Variants in WASF2 observed in about 807,000 individuals in gnomAD.
The protein encoded by WASF2 is actin-binding protein WASF2.
In WASF2, 14 loss-of-function variants were observed where a neutral mutation model predicts 45.0. The ratio of observed to expected loss-of-function variants is 0.31; its 90% confidence interval spans 0.21 to 0.49. WASF2 has a LOEUF of 0.49. Among genes scored for constraint, WASF2 ranks in the 20% least tolerant of loss-of-function variants. WASF2 has a pLI of 0.99. For missense variants in WASF2, 439 were observed against 636.1 expected, an observed-to-expected ratio of 0.69 and a Z score of 3.33; for synonymous variants, 200 against 236.3, an observed-to-expected ratio of 0.85 and a Z score of 1.41.
chr1:27,413,482 T>C (rs542085095), intron 6 of WASF2, among the ~76,000 whole-genome samples: 1 of 152,122 alleles, frequency 6.6e-6, no homozygotes, highest in Non-Finnish European at 1.5e-5. Context: ...TCTAAAGAAC[T>C]CATCTAAAAC....
chr1:27,464,034 C>T (rs972039654), intron 1 of WASF2, among the ~76,000 whole-genome samples: 1 of 151,682 alleles, frequency 6.6e-6, no homozygotes, highest in Non-Finnish European at 1.5e-5. Context: ...GCCTCCCAGC[C>T]TCATCTATAT....
At chr1:27,425,834 G>GT (rs2016972391) in intron 2 of WASF2, among the ~76,000 whole-genome samples, 1 of 52,436 alleles carries the variant, frequency 1.9e-5, no homozygotes, top group African/African-American at 7.7e-5. Context: ...GTGAGACTCC[G>GT]TCTCAAAAAA....
chr1:27,473,117 T>G (rs1362152689), intron 1 of WASF2, among the ~76,000 whole-genome samples: 1 of 151,954 alleles, frequency 6.6e-6, no homozygotes, highest in Non-Finnish European at 1.5e-5. Flanking sequence ...AATAAAGAAC[T>G]ATTAAAATAC....
At chr1:27,467,475 G>A (rs1318170005) in intron 1 of WASF2, among the ~76,000 whole-genome samples, 1 of 149,676 alleles carries the variant, frequency 6.7e-6, no homozygotes, top group Non-Finnish European at 1.5e-5. Context: ...TAACTTTTTG[G>A]ATTTTTTAGT....
At chr1:27,463,790 ATATTAT>A (rs1036268345) in intron 1 of WASF2, among the ~76,000 whole-genome samples, 4 of 149,028 alleles carry the variant, frequency 2.7e-5, no homozygotes, top group East Asian at 2.0e-4. Context: ...TGCCTCCTTT[ATATTAT>A]TATTATTATT....
At chr1:27,456,105 G>A (rs573603532) in intron 1 of WASF2, among the ~76,000 whole-genome samples, 140 of 152,102 alleles carry the variant, frequency 9.2e-4, no homozygotes, top group Middle Eastern at 3.4e-3. Flanking sequence ...GGCGGATCAC[G>A]AGGTCAGAAG....
intron 1 of WASF2, among the ~76,000 whole-genome samples, chr1:27,472,267 G>GT (rs1226730248): frequency 6.6e-6 from 1 of 150,648 alleles, no homozygotes; most frequent in African/African-American, 2.5e-5. Context: ...TGATGTGGTG[G>GT]TAAGCTGAGA....
At chr1:27,485,857 G>A (rs1400756886) in intron 1 of WASF2, among the ~76,000 whole-genome samples, 4 of 152,122 alleles carry the variant, frequency 2.6e-5, no homozygotes, top group African/African-American at 7.2e-5. Flanking sequence ...GATTACAGGC[G>A]TGCACCACCA....
At chr1:27,454,903 T>A (rs1404885086) in intron 1 of WASF2, among the ~76,000 whole-genome samples, 1 of 152,212 alleles carries the variant, frequency 6.6e-6, no homozygotes, top group Non-Finnish European at 1.5e-5. Context: ...TAGTTTGTTT[T>A]GCTATTGTCA....
chr1:27,455,066 G>A (rs1197403323), intron 1 of WASF2, among the ~76,000 whole-genome samples: 1 of 152,022 alleles, frequency 6.6e-6, no homozygotes, highest in Non-Finnish European at 1.5e-5. Flanking sequence ...AAATGGTTGT[G>A]CTCATTTACA....
chr1:27,408,804 G>C (rs527495967), intron 8 of WASF2, among the ~76,000 whole-genome samples: 3 of 152,070 alleles, frequency 2.0e-5, no homozygotes, highest in African/African-American at 7.2e-5. Context: ...TGTTCCAGGA[G>C]GGTGAGATGA....
intron 1 of WASF2, among the ~76,000 whole-genome samples, chr1:27,465,030 A>G (rs1415043076): frequency 6.6e-6 from 1 of 152,198 alleles, no homozygotes; most frequent in Non-Finnish European, 1.5e-5. Context: ...TTTATTTCCG[A>G]AAGCAGCAGG....
At chr1:27,475,877 G>A (rs751359083) in intron 1 of WASF2, among the ~76,000 whole-genome samples, 5 of 152,182 alleles carry the variant, frequency 3.3e-5, no homozygotes, top group Non-Finnish European at 7.4e-5. Context: ...ATCTGCCTAC[G>A]TTAGCCTCCC....
At chr1:27,473,373 G>A (rs532476357) in intron 1 of WASF2, among the ~76,000 whole-genome samples, 54 of 149,756 alleles carry the variant, frequency 3.6e-4, no homozygotes, top group South Asian at 3.4e-3. Flanking sequence ...CCAGCTACTC[G>A]GGAGGCTGAG....
At chr1:27,419,784 T>C (rs139501213) in intron 2 of WASF2, among the ~76,000 whole-genome samples, 10 of 152,276 alleles carry the variant, frequency 6.6e-5, no homozygotes, top group African/African-American at 2.2e-4. Flanking sequence ...GAAAATACAG[T>C]GAACAACTAT....
At chr1:27,436,055 G>A (rs148473328) in intron 1 of WASF2, among the ~76,000 whole-genome samples, 17 of 152,302 alleles carry the variant, frequency 1.1e-4, no homozygotes, top group African/African-American at 2.4e-4. Context: ...TCACTTCAGC[G>A]TTTCCCACTG....
At chr1:27,471,141 G>A (rs1054762904) in intron 1 of WASF2, among the ~76,000 whole-genome samples, 21 of 151,944 alleles carry the variant, frequency 1.4e-4, no homozygotes, top group African/African-American at 9.7e-5. Flanking sequence ...TCAGGAGATC[G>A]AGACCATCCC....
chr1:27,469,641 G>A (rs2017663469), intron 1 of WASF2, among the ~76,000 whole-genome samples: 1 of 152,118 alleles, frequency 6.6e-6, no homozygotes, highest in Non-Finnish European at 1.5e-5. Flanking sequence ...CATAAAACAA[G>A]GTAAAAAGTG....
At chr1:27,489,708 G>C (rs562121007) in intron 1 of WASF2, among the ~76,000 whole-genome samples, 5 of 152,210 alleles carry the variant, frequency 3.3e-5, no homozygotes, top group African/African-American at 1.2e-4. Flanking sequence ...CACACAGCGA[G>C]CTGATGGCAG....
Sources: gnomAD v4.1 joint callset for allele counts (sites outside exome capture counted in the v4.1 genomes callset) on GRCh38, gnomAD v4.1.1 for gene constraint, MANE v1.5 for transcripts, NCBI Gene and HGNC (gene_info 2026-07-23, HGNC 2026-07-21) for gene names.